Variants in LRMDA observed in about 807,000 individuals in gnomAD.
LRMDA encodes the protein leucine-rich melanocyte differentiation-associated protein.
Under a neutral mutation model 29.8 loss-of-function variants are expected in LRMDA, and 18 were observed. That is an observed-to-expected ratio of 0.60 (90% confidence interval 0.42 to 0.90). LRMDA has a LOEUF of 0.90. LRMDA is among the 40% of genes least tolerant of loss of function. LRMDA has a pLI of 0.00. For synonymous variants in LRMDA, 125 were observed against 109.4 expected (o/e 1.14, Z -0.89); for missense variants, 273 against 273.9 (o/e 1.00, Z 0.02).
chr10:76,214,189 C>G (rs1851684580), intron 5 of LRMDA, among the ~76,000 whole-genome samples: 2 of 152,110 alleles, frequency 1.3e-5, no homozygotes, highest in Non-Finnish European at 2.9e-5. Context: ...AAACGGAGTT[C>G]CAGTCCCAGA....
chr10:75,824,847 A>G (rs1207544023), intron 2 of LRMDA, among the ~76,000 whole-genome samples: 1 of 152,240 alleles, frequency 6.6e-6, no homozygotes, highest in East Asian at 1.9e-4. Context: ...AAGGTTTTCC[A>G]GTGGAGACAC....
chr10:76,216,307 G>A (rs1851727406), intron 5 of LRMDA, among the ~76,000 whole-genome samples: 1 of 152,180 alleles, frequency 6.6e-6, no homozygotes, highest in Admixed American at 6.5e-5. Context: ...AGTGAGGTAG[G>A]ATCATGCCAC....
At chr10:75,714,733 C>T (rs1305298721) in intron 2 of LRMDA, among the ~76,000 whole-genome samples, 1 of 152,100 alleles carries the variant, frequency 6.6e-6, no homozygotes, top group Non-Finnish European at 1.5e-5. Context: ...CAATTAATAA[C>T]AATTTGATTT....
At chr10:76,076,856 C>T (rs1270572441) in intron 5 of LRMDA, among the ~76,000 whole-genome samples, 1 of 152,102 alleles carries the variant, frequency 6.6e-6, no homozygotes, top group Non-Finnish European at 1.5e-5. Context: ...GCATTTATAG[C>T]CAGGAATAGA....
At chr10:76,221,208 G>A (rs1349305976) in intron 5 of LRMDA, among the ~76,000 whole-genome samples, 1 of 151,838 alleles carries the variant, frequency 6.6e-6, no homozygotes, top group Non-Finnish European at 1.5e-5. Flanking sequence ...TTGAAAACTG[G>A]CACAAGACAG....
In LRMDA at chr10:75,885,205, G is replaced by A. The variant is rs182912127; in HGVS notation, c.132-150803G>A. 2.9e-3 allele frequency among the ~76,000 whole-genome samples: 448 copies of A among 152,322 alleles called. 4 individuals carry two copies. Among genetic ancestry groups the A allele is most frequent in the Non-Finnish European group, 4.2e-3 (286 of 68,034 alleles). Reference sequence around the variant, plus strand: ...TTGCTGTGCTTCCTCACCCTGCAATGCTGCCGCCACATCCTGTTGCTCTCT... The same window carrying A: ...TTGCTGTGCTTCCTCACCCTGCAATACTGCCGCCACATCCTGTTGCTCTCT... On this transcript the variant is annotated intron_variant, in intron 2 of 6. Transcript: ENST00000611255.
intron 5 of LRMDA, among the ~76,000 whole-genome samples, chr10:76,107,062 C>T (rs1258159242): frequency 6.6e-6 from 1 of 152,188 alleles, no homozygotes; most frequent in African/African-American, 2.4e-5. Context: ...TTCACAAAAG[C>T]CTCCCTGCTT....
intron 6 of LRMDA, among the ~76,000 whole-genome samples, chr10:76,377,004 G>A (rs1419946993): frequency 6.8e-6 from 1 of 147,638 alleles, no homozygotes; most frequent in Non-Finnish European, 1.5e-5. Flanking sequence ...TCCTGCCTCA[G>A]CCTCCTGAGT....
intron 6 of LRMDA, among the ~76,000 whole-genome samples, chr10:76,353,681 T>C (rs1181796388): frequency 1.3e-5 from 2 of 152,086 alleles, no homozygotes. Context: ...CAGTGCACAG[T>C]CTGGAGTCTT....
chr10:76,219,832 C>T (rs1851797209), intron 5 of LRMDA, among the ~76,000 whole-genome samples: 1 of 152,108 alleles, frequency 6.6e-6, no homozygotes, highest in Non-Finnish European at 1.5e-5. Context: ...CAGCACCACA[C>T]CACACCTATT....
intron 5 of LRMDA, among the ~76,000 whole-genome samples, chr10:76,111,413 T>G (rs1226368552): frequency 2.0e-5 from 3 of 152,230 alleles, no homozygotes; most frequent in Non-Finnish European, 2.9e-5. Flanking sequence ...GAAAATGAAG[T>G]CAACCACTTG....
chr10:75,630,533 C>G (rs977274969), intron 2 of LRMDA, among the ~76,000 whole-genome samples: 1 of 152,136 alleles, frequency 6.6e-6, no homozygotes, highest in Non-Finnish European at 1.5e-5. Flanking sequence ...TATTAGAGTC[C>G]CAAGAAGAAA....
rs184651186 is a variant in LRMDA, at chr10:76,162,782, A to T, written c.516+103999A>T. On this transcript the variant is annotated intron_variant, in intron 5 of 6. Coordinates refer to ENST00000611255, the MANE Select transcript of LRMDA (RefSeq NM_001305581.2). The stretch of plus-strand genomic sequence containing the variant: ...AACATGAGATTTGGGGAGGACACGC[A>T]TCCAAACTATATCAGCCCCTCAGAT... 6.6e-5 allele frequency among the ~76,000 whole-genome samples: 10 copies of T among 152,322 alleles called. No individual in the cohort carries two copies. The East Asian group carries it at 1.9e-3, about 29-fold the overall frequency.
intron 2 of LRMDA, among the ~76,000 whole-genome samples, chr10:75,509,159 T>C (rs1255397311): frequency 6.6e-6 from 1 of 152,214 alleles, no homozygotes; most frequent in Non-Finnish European, 1.5e-5. Flanking sequence ...GGCTGCTGTT[T>C]GTTGGCCCTC....
intron 2 of LRMDA, among the ~76,000 whole-genome samples, chr10:75,927,499 C>T (rs1846139584): frequency 6.6e-6 from 1 of 152,200 alleles, no homozygotes; most frequent in Non-Finnish European, 1.5e-5. Context: ...CCTTGCTCTG[C>T]ACTTTTTATG....
At chr10:76,398,107 T>C (rs1383450104) in intron 6 of LRMDA, among the ~76,000 whole-genome samples, 1 of 152,202 alleles carries the variant, frequency 6.6e-6, no homozygotes, top group Non-Finnish European at 1.5e-5. Flanking sequence ...GGCTCCTTTG[T>C]AACATCAAAA....
chr10:76,303,134 A>T (rs1840502779), intron 5 of LRMDA, among the ~76,000 whole-genome samples: 1 of 151,064 alleles, frequency 6.6e-6, no homozygotes, highest in Middle Eastern at 3.5e-3. Flanking sequence ...GTCAGGGCAG[A>T]TTTATTTTGT....
chr10:76,531,578 A>T (rs1469409294), intron 6 of LRMDA, among the ~76,000 whole-genome samples: 1 of 152,136 alleles, frequency 6.6e-6, no homozygotes, highest in East Asian at 1.9e-4. Flanking sequence ...TGATATAAAT[A>T]TATCAGTTAT....
At chr10:76,515,976 G>T (rs923408268) in intron 6 of LRMDA, among the ~76,000 whole-genome samples, 2 of 152,138 alleles carry the variant, frequency 1.3e-5, no homozygotes, top group Non-Finnish European at 2.9e-5. Flanking sequence ...GAAATATAGA[G>T]ACAAAGCCTT....
Sources: allele counts gnomAD v4.1 joint callset (sites outside exome capture counted in the v4.1 genomes callset), GRCh38; gene constraint gnomAD v4.1.1; transcripts MANE v1.5; gene names NCBI Gene and HGNC (gene_info 2026-07-23, HGNC 2026-07-21).